Variants in PSME4 observed in about 807,000 individuals in gnomAD.
PSME4 encodes the protein proteasome activator complex subunit 4.
A neutral mutation model predicts 253.9 loss-of-function variants in PSME4; 89 were observed. The ratio of observed to expected loss-of-function variants is 0.35; its 90% confidence interval spans 0.30 to 0.42. The LOEUF (loss-of-function observed/expected upper bound fraction) is 0.42, where lower values mean the gene tolerates loss of function less well. Among genes scored for constraint, PSME4 ranks in the 10% least tolerant of loss-of-function variants. The pLI is 1.00. For synonymous variants in PSME4, 851 were observed against 759.2 expected (o/e 1.12, Z -1.99); for missense variants, 2,014 against 2,195.2 (o/e 0.92, Z 1.65).
intron 44 of PSME4, among the ~76,000 whole-genome samples, chr2:53,867,493 C>G (rs1346230310): frequency 7.9e-6 from 1 of 125,892 alleles, no homozygotes; most frequent in Non-Finnish European, 1.7e-5. Flanking sequence ...AGTGAGGCTC[C>G]GTCTCAAGGA....
At position 53,908,824 on chromosome 2, in the gene PSME4, G is replaced by A; in HGVS notation, c.2589C>T (p.Asn863=). Residue 863 remains asparagine, a synonymous_variant, in exon 22 of 47, where the codon AAC becomes AAT. Coordinates refer to ENST00000404125, the MANE Select transcript of PSME4 (RefSeq NM_014614.3). ...TAACTGTAGCAATTACTTCTCGGTG[G>A]TTCTCTCGAGACAGATCTATTTTGA... ...TGLEYDLSRE[N]HREVIATVIR... is the part of the protein sequence containing the mutation. 1 of 1,602,448 alleles carries A rather than the reference G, an allele frequency of 6.2e-7. No individual in the cohort carries two copies. Among genetic ancestry groups the A allele is most frequent in the Non-Finnish European group, 8.5e-7 (1 of 1,171,668 alleles).
chr2:53,942,513 G>C (rs1298054350), intron 3 of PSME4, among the ~76,000 whole-genome samples: 2 of 151,998 alleles, frequency 1.3e-5, no homozygotes, highest in African/African-American at 4.8e-5. Context: ...TTTGGCCTTA[G>C]AGTCAGACAG....
chr2:53,952,420 T>C (rs1430448477), intron 1 of PSME4, among the ~76,000 whole-genome samples: 8 of 152,154 alleles, frequency 5.3e-5, no homozygotes, highest in African/African-American at 1.9e-4. Context: ...TGCGCGCCTC[T>C]AATCCCAGCT....
chr2:53,868,563 T>TC, intron 44 of PSME4, among the ~76,000 whole-genome samples: 1 of 81,800 alleles, frequency 1.2e-5, no homozygotes, highest in Non-Finnish European at 2.3e-5. Context: ...ATAATATATA[T>TC]AATATATATT....
chr2:53,946,671 G>A (rs1462621223), intron 3 of PSME4, among the ~76,000 whole-genome samples: 1 of 152,232 alleles, frequency 6.6e-6, no homozygotes, highest in African/African-American at 2.4e-5. Context: ...CAAGGCGGGA[G>A]GATCACTTGA....
At chr2:53,885,098 C>T (rs1391626910) in intron 41 of PSME4, among the ~76,000 whole-genome samples, 9 of 152,178 alleles carry the variant, frequency 5.9e-5, no homozygotes, top group Non-Finnish European at 1.0e-4. Context: ...CCAACCATAT[C>T]ATTATTGCAA....
Position 53,899,993 on chromosome 2 carries a change from C to G in PSME4, c.3310G>C (p.Ala1104Pro). 6.2e-7 allele frequency: 1 copy of G among 1,613,034 alleles called. No homozygotes were observed. Among genetic ancestry groups the G allele is most frequent in the Non-Finnish European group, 8.5e-7 (1 of 1,179,594 alleles). The stretch of plus-strand genomic sequence containing the variant: ...TTTTTTGACTGTTGAAGTAATTCCG[C>G]TATTTCAACACATGACTTTGGAATC... ...FTIPKSCVEI[A>P]ELLQQSKNPS... Residue 1104 changes from alanine (A) to proline (P), a missense_variant, in exon 29 of 47, where the codon GCG (alanine) becomes CCG (proline). By Grantham distance (27) the Ala-to-Pro change is conservative. Transcript: ENST00000404125.
chr2:53,925,866 A>G (rs1668534777), intron 13 of PSME4, 93 bp downstream of exon 13: 1 of 1,370,004 alleles, frequency 7.3e-7, no homozygotes, highest in Admixed American at 1.8e-5. Context: ...TAGCTAAATA[A>G]AGGTTATAAT....
At chr2:53,963,822 A>G (rs1266565912) in intron 1 of PSME4, among the ~76,000 whole-genome samples, 4 of 152,192 alleles carry the variant, frequency 2.6e-5, no homozygotes, top group African/African-American at 9.6e-5. Context: ...TTATAATAGT[A>G]TTGGTATTGC....
At chr2:53,901,610 T>C (rs778412463) in intron 27 of PSME4, 51 bp from the exon 28 acceptor site, 4 of 1,472,536 alleles carry the variant, frequency 2.7e-6, no homozygotes, top group East Asian at 4.6e-5. Context: ...AGAGGCATCA[T>C]GTAGTTGTAG....
Position 53,895,564 on chromosome 2 carries a change from T to G in PSME4, c.3842+19A>C. 1 of 1,596,694 alleles carries G rather than the reference T, an allele frequency of 6.3e-7. No homozygotes were observed. Among genetic ancestry groups the G allele is most frequent in the Non-Finnish European group, 8.5e-7 (1 of 1,173,332 alleles). The stretch of plus-strand genomic sequence containing the variant: ...ATATCAAAGGCATTTAATGATAAGG[T>G]GCACAGTAAGTTACTTACTTTGGCC... On this transcript the variant is annotated intron_variant, in intron 33 of 46. Coordinates refer to ENST00000404125, the MANE Select transcript of PSME4 (RefSeq NM_014614.3).
chr2:53,866,743 G>A lies in PSME4; in HGVS notation c.5397+4C>T. 6.2e-7 allele frequency: 1 copy of A among 1,611,492 alleles called. No individual in the cohort carries two copies. Among genetic ancestry groups the A allele is most frequent in the Non-Finnish European group, 8.5e-7 (1 of 1,178,514 alleles). ...ACGTACAAACTAATAAGGAAGAACTGTACCTCAATAGGCTGAGGATCATTT... is the reference window on the plus strand; with the variant it reads ...ACGTACAAACTAATAAGGAAGAACTATACCTCAATAGGCTGAGGATCATTT... On this transcript the variant is annotated splice_donor_region_variant and intron_variant, in intron 45 of 46. Transcript: ENST00000404125.
At chr2:53,884,709 A>G (rs1447247921) in intron 41 of PSME4, among the ~76,000 whole-genome samples, 1 of 152,198 alleles carries the variant, frequency 6.6e-6, no homozygotes. Context: ...GACAGAGGAA[A>G]AACATTTAAG....
chr2:53,923,340 A>G lies in PSME4; in HGVS notation c.1889T>C (p.Met630Thr), dbSNP rs760520846. ...ACTCACCTTTACAGCAGCGCGGCAC[A>G]TGTCTGCCACCATGCGACCTGCTAC... ...TRVAGRMVAD[M>T]CRAAVKCCPE... The change falls in exon 15 of 47, where the codon ATG becomes ACG. Residue 630 changes from methionine to threonine, a missense_variant. Transcript: ENST00000404125. 2.5e-6 allele frequency: 4 copies of G among 1,607,974 alleles called. No homozygotes were observed. The highest frequency in any genetic ancestry group is 3.4e-6 in the Non-Finnish European group (4 of 1,178,500).
intron 1 of PSME4, among the ~76,000 whole-genome samples, chr2:53,965,705 G>A (rs1212607447): frequency 2.8e-5 from 4 of 145,426 alleles, no homozygotes; most frequent in South Asian, 2.1e-4. Flanking sequence ...TCGCTCTGTC[G>A]CCCAGGCTGG....
chr2:53,869,305 AAT>A, intron 44 of PSME4, 69 bp downstream of exon 44: 1 of 1,382,456 alleles, frequency 7.2e-7, no homozygotes, highest in Non-Finnish European at 9.8e-7. Flanking sequence ...TTATTCAATA[AAT>A]ATGAGTAAGC....
At position 53,897,858 on chromosome 2, in the gene PSME4, C is replaced by A; in HGVS notation, c.3606+12G>T. 1.2e-6 allele frequency: 2 copies of A among 1,612,708 alleles called. No homozygotes were observed. Among genetic ancestry groups the A allele is most frequent in the South Asian group, 2.2e-5 (2 of 91,010 alleles). ...CTCAAACCCAAGACTGTAGCTAAAA[C>A]AAGGTATGTACCTTTCGAACTACAA... On this transcript the variant is annotated intron_variant, in intron 31 of 46. Transcript: ENST00000404125.
chr2:53,956,591 G>T (rs1018819133), intron 1 of PSME4, among the ~76,000 whole-genome samples: 4 of 151,536 alleles, frequency 2.6e-5, no homozygotes, highest in Non-Finnish European at 5.9e-5. Flanking sequence ...TATATTTTTT[G>T]AGATGGAGTC....
intron 41 of PSME4, among the ~76,000 whole-genome samples, chr2:53,880,619 G>C (rs1679339073): frequency 6.6e-6 from 1 of 152,182 alleles, no homozygotes; most frequent in Non-Finnish European, 1.5e-5. Context: ...GATATGAAAA[G>C]ATGGACATGA....
Sources: allele counts gnomAD v4.1 joint callset (sites outside exome capture counted in the v4.1 genomes callset), GRCh38; gene constraint gnomAD v4.1.1; transcripts MANE v1.5; gene names NCBI Gene and HGNC (gene_info 2026-07-23, HGNC 2026-07-21).